ATF6: variants seen among roughly 807,000 people sequenced by gnomAD.
ATF6 encodes the protein cyclic AMP-dependent transcription factor ATF-6 alpha.
ATF6 carries 53 observed loss-of-function variants against 83.6 expected under a neutral mutation model. That is an observed-to-expected ratio of 0.63 (90% confidence interval 0.51 to 0.80). ATF6 has a LOEUF of 0.80. Ranked by LOEUF, ATF6 falls within the 30% of genes least tolerant of loss-of-function variation. The probability of loss-of-function intolerance (pLI) is 0.00; values close to 1 mark genes in which losing one functional copy is unlikely to be tolerated. For missense variants in ATF6, 744 were observed against 797.9 expected (o/e 0.93, Z 0.81); for synonymous variants, 288 against 285.8 (o/e 1.01, Z -0.08).
intron 15 of ATF6, among the ~76,000 whole-genome samples, chr1:161,951,366 T>C (rs1688860049): frequency 6.6e-6 from 1 of 152,224 alleles, no homozygotes; most frequent in African/African-American, 2.4e-5. Context: ...CGATGGCACT[T>C]TCTCAAGTTG....
intron 14 of ATF6, among the ~76,000 whole-genome samples, chr1:161,908,099 A>C (rs1687912761): frequency 6.6e-6 from 1 of 152,220 alleles, no homozygotes; most frequent in Non-Finnish European, 1.5e-5. Flanking sequence ...TCTTGAAAAA[A>C]GACACAACTC....
chr1:161,858,443 A>C (rs958267012), intron 12 of ATF6, among the ~76,000 whole-genome samples: 2 of 152,340 alleles, frequency 1.3e-5, no homozygotes, highest in Admixed American at 6.5e-5. Flanking sequence ...GATGTATGCC[A>C]TGCAAACATG....
chr1:161,857,960 C>A (rs1416493863), intron 12 of ATF6, among the ~76,000 whole-genome samples: 1 of 152,108 alleles, frequency 6.6e-6, no homozygotes, highest in Non-Finnish European at 1.5e-5. Flanking sequence ...ACAGCTAGAG[C>A]CAGGCACGGT....
At position 161,864,661 on chromosome 1, in the gene ATF6, G is replaced by A. The variant is rs562896178; in HGVS notation, c.1719+1349G>A. Among the ~76,000 whole-genome samples the A allele has an allele frequency of 7.2e-5, 11 of 152,254 alleles. No homozygotes were observed. In the East Asian group the frequency reaches 1.7e-3, roughly 24 times the overall value. On this transcript the variant is annotated intron_variant, in intron 14 of 15. Coordinates refer to ENST00000367942, the MANE Select transcript of ATF6 (RefSeq NM_007348.4). Reference sequence around the variant, plus strand: ...AGATTTGGAACACTTTAGCCATAGCGTCTCATGATCACTGCCTTTTCACAA... The same window carrying A: ...AGATTTGGAACACTTTAGCCATAGCATCTCATGATCACTGCCTTTTCACAA...
intron 7 of ATF6, among the ~76,000 whole-genome samples, chr1:161,809,786 G>C (rs1454480612): frequency 6.6e-6 from 1 of 152,172 alleles, no homozygotes; most frequent in East Asian, 1.9e-4. Context: ...TTTCTCTGAT[G>C]GCCAGTGATG....
At chr1:161,911,149 A>G (rs1298055243) in intron 14 of ATF6, among the ~76,000 whole-genome samples, 1 of 152,146 alleles carries the variant, frequency 6.6e-6, no homozygotes. Context: ...GAGTTATTTC[A>G]TATAGTAAGT....
chr1:161,919,111 GT>G (rs1320749626), intron 15 of ATF6, among the ~76,000 whole-genome samples: 1 of 152,086 alleles, frequency 6.6e-6, no homozygotes, highest in Non-Finnish European at 1.5e-5. Context: ...GTAATTTATT[GT>G]TTTTTACTTT....
intron 7 of ATF6, among the ~76,000 whole-genome samples, chr1:161,808,686 C>T (rs1402401944): frequency 6.6e-6 from 1 of 152,018 alleles, no homozygotes; most frequent in Non-Finnish European, 1.5e-5. Flanking sequence ...AATCCTCCTG[C>T]CTCAGGCTCC....
intron 15 of ATF6, among the ~76,000 whole-genome samples, chr1:161,924,735 A>G (rs764577545): frequency 2.0e-5 from 3 of 152,116 alleles, no homozygotes; most frequent in Non-Finnish European, 4.4e-5. Flanking sequence ...CTTTCTTTTC[A>G]CTCTATTATG....
chr1:161,831,167 T>G (rs1165780814), intron 9 of ATF6, among the ~76,000 whole-genome samples: 2 of 152,154 alleles, frequency 1.3e-5, no homozygotes, highest in African/African-American at 4.8e-5. Flanking sequence ...AAGAAGACAT[T>G]TATGCAGCCA....
At chr1:161,798,444 T>A (rs1685070659) in intron 6 of ATF6, among the ~76,000 whole-genome samples, 1 of 152,146 alleles carries the variant, frequency 6.6e-6, no homozygotes, top group African/African-American at 2.4e-5. Context: ...AAACCCCATC[T>A]CTACTAAAAA....
At chr1:161,883,623 A>T (rs1687362098) in intron 14 of ATF6, among the ~76,000 whole-genome samples, 1 of 152,178 alleles carries the variant, frequency 6.6e-6, no homozygotes, top group East Asian at 1.9e-4. Context: ...CATTCACAAG[A>T]TATAATAAAC....
intron 6 of ATF6, among the ~76,000 whole-genome samples, chr1:161,795,392 C>T (rs1014335458): frequency 6.6e-6 from 1 of 152,136 alleles, no homozygotes; most frequent in African/African-American, 2.4e-5. Flanking sequence ...ATAATATTTA[C>T]ACATTATTTG....
chr1:161,802,137 T>C lies in ATF6; in HGVS notation c.774T>C (p.Val258=). The C allele has an allele frequency of 6.2e-7, 1 of 1,614,146 alleles. No homozygotes were observed. The highest frequency in any genetic ancestry group is 8.5e-7 in the Non-Finnish European group (1 of 1,180,000). Residue 258 remains valine, a synonymous_variant, in exon 7 of 16, where the codon GTT becomes GTC. Coordinates refer to ENST00000367942, the MANE Select transcript of ATF6 (RefSeq NM_007348.4). ...VLPSAQPVLA[V]AGGVTQLPNH... is the part of the protein sequence containing the mutation. ...CCTCTGCTCAGCCAGTCCTTGCTGT[T>C]GCTGGGGGAGTCACACAGCTCCCTA...
chr1:161,912,266 A>C, intron 14 of ATF6, 30 bp from the exon 15 acceptor site: 1 of 1,552,696 alleles, frequency 6.4e-7, no homozygotes, highest in Non-Finnish European at 8.8e-7. Context: ...CAATTGTTAT[A>C]TATAACAGAT....
intron 15 of ATF6, among the ~76,000 whole-genome samples, chr1:161,957,399 T>A (rs1688990043): frequency 6.6e-6 from 1 of 152,172 alleles, no homozygotes; most frequent in African/African-American, 2.4e-5. Flanking sequence ...GTACTCAGAA[T>A]TCTCCCATGT....
At chr1:161,780,336 T>G (rs1174017610) in intron 2 of ATF6, among the ~76,000 whole-genome samples, 1 of 152,042 alleles carries the variant, frequency 6.6e-6, no homozygotes, top group Non-Finnish European at 1.5e-5. Context: ...ACTAGATACA[T>G]TTTTACTTTT....
At chr1:161,826,451 G>A (rs1463430904) in intron 9 of ATF6, among the ~76,000 whole-genome samples, 1 of 152,170 alleles carries the variant, frequency 6.6e-6, no homozygotes, top group African/African-American at 2.4e-5. Context: ...GAAGTGGTTT[G>A]TGTTCAAAAA....
At chr1:161,789,809 C>T (rs1042483729) in intron 4 of ATF6, among the ~76,000 whole-genome samples, 26 of 152,168 alleles carry the variant, frequency 1.7e-4, no homozygotes, top group South Asian at 6.2e-4. Flanking sequence ...CATCAAAGGC[C>T]GTGAAGATAA....
Sources: allele counts gnomAD v4.1 joint callset (sites outside exome capture counted in the v4.1 genomes callset), GRCh38; gene constraint gnomAD v4.1.1; transcripts MANE v1.5; gene names NCBI Gene and HGNC (gene_info 2026-07-23, HGNC 2026-07-21).